Variants in BACH2 observed in about 807,000 individuals in gnomAD.
BACH2 encodes the protein transcription regulator protein BACH2.
Under a neutral mutation model 61.8 loss-of-function variants are expected in BACH2, and 5 were observed. The ratio of observed to expected loss-of-function variants is 0.08; its 90% confidence interval spans 0.04 to 0.17. The LOEUF (loss-of-function observed/expected upper bound fraction) is 0.17, where lower values mean the gene tolerates loss of function less well. Among genes scored for constraint, BACH2 ranks in the 10% least tolerant of loss-of-function variants. The probability of loss-of-function intolerance (pLI) is 1.00; values close to 1 mark genes in which losing one functional copy is unlikely to be tolerated. For synonymous variants in BACH2, 446 were observed against 440.1 expected, an observed-to-expected ratio of 1.01 and a Z score of -0.17; for missense variants, 824 against 1,091.1, an observed-to-expected ratio of 0.76 and a Z score of 3.45.
At position 90,154,507 on chromosome 6, in the gene BACH2, G is replaced by A. The variant is rs1178452484; in HGVS notation, c.-162+52062C>T. 2.0e-5 allele frequency among the ~76,000 whole-genome samples: 3 copies of A among 152,128 alleles called. No individual in the cohort carries two copies. In the East Asian group the frequency reaches 5.8e-4, roughly 29 times the overall value. ...CTTTCTCAAGGCCACTCTATACTAG[G>A]AGGTGACAGACATGTGCTGCACAAT... On this transcript the variant is annotated intron_variant, in intron 4 of 8. Transcript: ENST00000257749.
At chr6:90,292,071 G>A (rs991138571) in intron 1 of BACH2, among the ~76,000 whole-genome samples, 11 of 152,176 alleles carry the variant, frequency 7.2e-5, no homozygotes, top group African/African-American at 2.7e-4. Flanking sequence ...TGAGGGCAGG[G>A]ACCATGTTCT....
At chr6:90,254,576 A>G (rs1242502757) in intron 2 of BACH2, among the ~76,000 whole-genome samples, 4 of 152,140 alleles carry the variant, frequency 2.6e-5, no homozygotes, top group Non-Finnish European at 1.5e-5. Context: ...AAGAAAATAA[A>G]AAGGACCTAG....
chr6:90,081,528 C>T lies in BACH2; in HGVS notation c.-13+7433G>A, dbSNP rs542188968. On this transcript the variant is annotated intron_variant, in intron 5 of 8. Transcript: ENST00000257749. ...GAATTGAGCACATTCATTCATCTGT[C>T]ACTGAAGAGCCACAGAAATATTAAT... 6.6e-5 allele frequency among the ~76,000 whole-genome samples: 10 copies of T among 152,264 alleles called. No individual in the cohort carries two copies. The South Asian group carries it at 2.1e-3, about 32-fold the overall frequency.
intron 4 of BACH2, among the ~76,000 whole-genome samples, chr6:90,120,210 A>T (rs1783565667): frequency 6.6e-6 from 1 of 152,206 alleles, no homozygotes; most frequent in Non-Finnish European, 1.5e-5. Context: ...AGTTGAGAAG[A>T]AGTTTAAATC....
chr6:90,027,714 ATGGCTT>A (rs1459807116), intron 5 of BACH2, among the ~76,000 whole-genome samples: 2 of 152,160 alleles, frequency 1.3e-5, no homozygotes, highest in African/African-American at 4.8e-5. Context: ...TCCTAGCTGC[ATGGCTT>A]TGGCTTTGGG....
At chr6:89,979,905 T>C (rs999993505) in intron 6 of BACH2, among the ~76,000 whole-genome samples, 1 of 152,246 alleles carries the variant, frequency 6.6e-6, no homozygotes, top group African/African-American at 2.4e-5. Context: ...TGCATTTGCA[T>C]GAACCAAATG....
At chr6:90,171,756 TG>T (rs1708046705) in intron 4 of BACH2, among the ~76,000 whole-genome samples, 1 of 152,164 alleles carries the variant, frequency 6.6e-6, no homozygotes, top group Non-Finnish European at 1.5e-5. Flanking sequence ...ATAAAATAGA[TG>T]TGTTTAACAT....
At chr6:90,106,697 T>C (rs1320463145) in intron 4 of BACH2, among the ~76,000 whole-genome samples, 4 of 152,212 alleles carry the variant, frequency 2.6e-5, no homozygotes, top group Non-Finnish European at 1.5e-5. Flanking sequence ...GTCATCAAAG[T>C]CTTGACCACC....
At chr6:89,985,705 T>C (rs1776203551) in intron 6 of BACH2, among the ~76,000 whole-genome samples, 1 of 152,312 alleles carries the variant, frequency 6.6e-6, no homozygotes, top group Non-Finnish European at 1.5e-5. Flanking sequence ...GTAACTCTTC[T>C]GCCATTTTTC....
intron 7 of BACH2, among the ~76,000 whole-genome samples, chr6:89,949,266 GAAGGGACTTGTCA>G (rs1461353809): frequency 6.6e-6 from 1 of 152,196 alleles, no homozygotes; most frequent in African/African-American, 2.4e-5. Flanking sequence ...ACAGCTCTGA[GAAGGGACTTGTCA>G]CTGGGTTTGT....
intron 4 of BACH2, among the ~76,000 whole-genome samples, chr6:90,120,046 G>T (rs1053673242): frequency 1.3e-5 from 2 of 152,210 alleles, no homozygotes; most frequent in African/African-American, 4.8e-5. Flanking sequence ...TTTAGCTCTT[G>T]CTAGCAGTGT....
intron 4 of BACH2, among the ~76,000 whole-genome samples, chr6:90,162,335 T>A (rs1785221685): frequency 6.6e-6 from 1 of 152,204 alleles, no homozygotes; most frequent in African/African-American, 2.4e-5. Flanking sequence ...TTCCTGATTA[T>A]CACAAAAAAT....
At chr6:90,068,797 G>A (rs975573971) in intron 5 of BACH2, among the ~76,000 whole-genome samples, 11 of 152,228 alleles carry the variant, frequency 7.2e-5, no homozygotes, top group Admixed American at 3.9e-4. Flanking sequence ...GGATGCACCT[G>A]GAGAGTGTGT....
At chr6:89,967,579 T>C (rs976633197) in intron 6 of BACH2, among the ~76,000 whole-genome samples, 1 of 152,154 alleles carries the variant, frequency 6.6e-6, no homozygotes, top group African/African-American at 2.4e-5. Context: ...TCATCCACAG[T>C]AGTTTAATGG....
chr6:89,971,539 T>G (rs1233662169), intron 6 of BACH2, among the ~76,000 whole-genome samples: 1 of 152,160 alleles, frequency 6.6e-6, no homozygotes, highest in African/African-American at 2.4e-5. Context: ...TGATAAGAAC[T>G]GTCAGTACGG....
At chr6:89,948,869 C>G (rs959160999) in intron 7 of BACH2, among the ~76,000 whole-genome samples, 11 of 152,144 alleles carry the variant, frequency 7.2e-5, no homozygotes, top group African/African-American at 2.7e-4. Context: ...TTCATATTTC[C>G]TTTCTAATTT....
chr6:90,145,996 A>G (rs548241771), intron 4 of BACH2, among the ~76,000 whole-genome samples: 3 of 152,370 alleles, frequency 2.0e-5, no homozygotes, highest in African/African-American at 7.2e-5. Flanking sequence ...TTAAACTTCA[A>G]TAAGAGTTTG....
At chr6:90,280,645 T>C (rs1254280134) in intron 1 of BACH2, among the ~76,000 whole-genome samples, 1 of 152,182 alleles carries the variant, frequency 6.6e-6, no homozygotes, top group East Asian at 1.9e-4. Flanking sequence ...AAGTGCAGAT[T>C]CAGACTCAGT....
chr6:90,242,969 T>C (rs1334181858), intron 3 of BACH2, among the ~76,000 whole-genome samples: 1 of 151,122 alleles, frequency 6.6e-6, no homozygotes, highest in East Asian at 1.9e-4. Context: ...AACCTCCGCC[T>C]CCCGAGTTCA....
Sources: gnomAD v4.1 joint callset for allele counts (sites outside exome capture counted in the v4.1 genomes callset) on GRCh38, gnomAD v4.1.1 for gene constraint, MANE v1.5 for transcripts, NCBI Gene and HGNC (gene_info 2026-07-23, HGNC 2026-07-21) for gene names.